The following ZNF385D variants were observed in gnomAD, a reference collection of about 807,000 sequenced individuals.
ZNF385D encodes the protein zinc finger protein 385D.
A neutral mutation model predicts 35.8 loss-of-function variants in ZNF385D; 15 were observed. That is an observed-to-expected ratio of 0.42 (90% CI 0.28 to 0.64). ZNF385D has a LOEUF of 0.64. ZNF385D is among the 30% of genes least tolerant of loss of function. The probability of loss-of-function intolerance (pLI) is 0.23; values close to 1 mark genes in which losing one functional copy is unlikely to be tolerated. For missense variants in ZNF385D, 474 were observed against 494.6 expected, an observed-to-expected ratio of 0.96 and a Z score of 0.39; for synonymous variants, 212 against 186.8, an observed-to-expected ratio of 1.13 and a Z score of -1.10.
intron 2 of ZNF385D, among the ~76,000 whole-genome samples, chr3:22,304,699 A>G (rs899331904): frequency 5.3e-5 from 8 of 152,128 alleles, no homozygotes; most frequent in Non-Finnish European, 7.4e-5. Flanking sequence ...TAAAAATGTC[A>G]TATCAATTTA....
intron 3 of ZNF385D, among the ~76,000 whole-genome samples, chr3:21,902,600 C>A (rs987818411): frequency 6.6e-6 from 1 of 152,052 alleles, no homozygotes; most frequent in African/African-American, 2.4e-5. Context: ...ATTAATCGGT[C>A]TTTTTAAAGA....
At chr3:22,276,046 C>G (rs1305669772) in intron 2 of ZNF385D, among the ~76,000 whole-genome samples, 1 of 152,132 alleles carries the variant, frequency 6.6e-6, no homozygotes, top group African/African-American at 2.4e-5. Context: ...GATCCTGCCA[C>G]TGCACTCCAG....
chr3:21,732,645 T>A (rs2069073293), intron 1 of ZNF385D, among the ~76,000 whole-genome samples: 1 of 152,232 alleles, frequency 6.6e-6, no homozygotes, highest in African/African-American at 2.4e-5. Context: ...TGATACATGA[T>A]GTGGAACACC....
At chr3:21,861,394 C>T (rs1697047616) in intron 3 of ZNF385D, among the ~76,000 whole-genome samples, 1 of 152,154 alleles carries the variant, frequency 6.6e-6, no homozygotes, top group African/African-American at 2.4e-5. Context: ...TGCCTTCACT[C>T]ATCTCACTTA....
chr3:21,495,820 AAGAG>A lies in ZNF385D; in HGVS notation c.439+15037_439+15040del, dbSNP rs375208566. On this transcript the variant is annotated intron_variant, in intron 4 of 7. Transcript: ENST00000281523. ...ACACTAGCTAGACTAAGAAAGAAAAAAGAGAGAAGTTTGAAATAAACATGATCAG... is the reference window on the plus strand; with the variant it reads ...ACACTAGCTAGACTAAGAAAGAAAAAAGAAGTTTGAAATAAACATGATCAG... Among the ~76,000 whole-genome samples the A allele has an allele frequency of 7.1e-3, 1,088 of 152,232 alleles. 10 individuals carry two copies. The highest frequency in any genetic ancestry group is 0.044 in the Middle Eastern group (13 of 294).
At chr3:22,043,545 A>G (rs1190480821) in intron 3 of ZNF385D, among the ~76,000 whole-genome samples, 1 of 151,898 alleles carries the variant, frequency 6.6e-6, no homozygotes, top group Non-Finnish European at 1.5e-5. Flanking sequence ...TTGAGTAACT[A>G]TTATGTCCTA....
intron 2 of ZNF385D, among the ~76,000 whole-genome samples, chr3:22,201,926 C>T (rs1306213451): frequency 6.6e-6 from 1 of 151,646 alleles, no homozygotes; most frequent in African/African-American, 2.4e-5. Flanking sequence ...AAAAATATCC[C>T]AAGCAAAATA....
intron 5 of ZNF385D, among the ~76,000 whole-genome samples, chr3:21,433,459 G>A (rs909062576): frequency 1.3e-5 from 2 of 152,164 alleles, no homozygotes; most frequent in Admixed American, 1.3e-4. Context: ...GATCAGAATT[G>A]GCCTTCAAAC....
intron 3 of ZNF385D, among the ~76,000 whole-genome samples, chr3:22,021,604 G>C (rs1371486757): frequency 6.6e-6 from 1 of 152,032 alleles, no homozygotes; most frequent in African/African-American, 2.4e-5. Context: ...AACACAGGTA[G>C]TGTTTAGCTC....
At chr3:22,172,160 T>A (rs1300145411) in intron 2 of ZNF385D, among the ~76,000 whole-genome samples, 1 of 152,170 alleles carries the variant, frequency 6.6e-6, no homozygotes, top group Non-Finnish European at 1.5e-5. Flanking sequence ...TCAGAACCAT[T>A]AAGACACTGG....
At position 21,815,757 on chromosome 3, in the gene ZNF385D, C is replaced by T. The variant is rs150572721; in HGVS notation, c.326-150729G>A. On this transcript the variant is annotated intron_variant, in intron 3 of 5. Coordinates refer to the ZNF385D transcript ENST00000494108. Reference sequence around the variant, plus strand: ...GCTGAATTCTACCAGAGGTACAAAGCGGAGCTGGTACCATTCCTTCTGAAA... The same window carrying T: ...GCTGAATTCTACCAGAGGTACAAAGTGGAGCTGGTACCATTCCTTCTGAAA... 5.3e-5 allele frequency among the ~76,000 whole-genome samples: 8 copies of T among 152,112 alleles called. No individual in the cohort carries two copies. The South Asian group carries it at 6.2e-4, about 12-fold the overall frequency.
At chr3:21,503,903 A>C (rs1440701092) in intron 4 of ZNF385D, among the ~76,000 whole-genome samples, 1 of 152,212 alleles carries the variant, frequency 6.6e-6, no homozygotes, top group Non-Finnish European at 1.5e-5. Flanking sequence ...TACATTCAAA[A>C]GTATTTTACT....
intron 3 of ZNF385D, among the ~76,000 whole-genome samples, chr3:21,918,229 TCAGA>T (rs1160358173): frequency 6.6e-6 from 1 of 152,234 alleles, no homozygotes; most frequent in Non-Finnish European, 1.5e-5. Context: ...TGGTCTATGC[TCAGA>T]CAGTGGATGA....
At chr3:21,582,819 C>T (rs113112991) in intron 2 of ZNF385D, among the ~76,000 whole-genome samples, 5,688 of 151,756 alleles carry the variant, frequency 0.037, 352 homozygotes, top group African/African-American at 0.13. Context: ...GCTCTATGGC[C>T]CAGGCTGGAG....
At chr3:22,305,843 C>CTGTAA (rs1461378117) in intron 2 of ZNF385D, among the ~76,000 whole-genome samples, 1 of 152,140 alleles carries the variant, frequency 6.6e-6, no homozygotes, top group Non-Finnish European at 1.5e-5. Context: ...TTACTGTTCA[C>CTGTAA]CTGTGTGTTG....
intron 2 of ZNF385D, among the ~76,000 whole-genome samples, chr3:22,335,105 A>G (rs1314536668): frequency 6.6e-6 from 1 of 152,190 alleles, no homozygotes; most frequent in Non-Finnish European, 1.5e-5. Flanking sequence ...TTTATATTGA[A>G]TATAATGTAT....
chr3:22,292,974 G>GTA (rs1219549835), intron 2 of ZNF385D, among the ~76,000 whole-genome samples: 1 of 151,948 alleles, frequency 6.6e-6, no homozygotes, highest in Non-Finnish European at 1.5e-5. Flanking sequence ...GTTTAACAAT[G>GTA]TATATATATG....
chr3:22,178,576 CTTTAG>C (rs978365126), intron 2 of ZNF385D, among the ~76,000 whole-genome samples: 20 of 152,134 alleles, frequency 1.3e-4, no homozygotes, highest in Admixed American at 2.0e-4. Context: ...TGCAGAAGCT[CTTTAG>C]TTTAATTAGA....
At chr3:21,730,719 C>G (rs2068956912) in intron 1 of ZNF385D, among the ~76,000 whole-genome samples, 1 of 152,222 alleles carries the variant, frequency 6.6e-6, no homozygotes, top group Non-Finnish European at 1.5e-5. Flanking sequence ...TAGAAATGTA[C>G]TTGCTTATAG....
Sources: allele counts gnomAD v4.1 joint callset (sites outside exome capture counted in the v4.1 genomes callset), GRCh38; gene constraint gnomAD v4.1.1; transcripts MANE v1.5; gene names NCBI Gene and HGNC (gene_info 2026-07-23, HGNC 2026-07-21).